The following ERBB4 variants were observed in gnomAD, a reference collection of about 807,000 sequenced individuals.
ERBB4 encodes the protein receptor tyrosine-protein kinase erbB-4.
A neutral mutation model predicts 158.0 loss-of-function variants in ERBB4; 42 were observed. The observed-to-expected ratio is 0.27, with a 90% CI of 0.21 to 0.34. The LOEUF is 0.34. Ranked by LOEUF, ERBB4 falls within the 10% of genes least tolerant of loss-of-function variation. The probability of loss-of-function intolerance (pLI) is 1.00; values close to 1 mark genes in which losing one functional copy is unlikely to be tolerated. For missense variants in ERBB4, 1,333 were observed against 1,624.1 expected (o/e 0.82, Z 3.08); for synonymous variants, 583 against 558.7 (o/e 1.04, Z -0.61).
At chr2:211,507,512 G>A (rs1437443182) in intron 20 of ERBB4, among the ~76,000 whole-genome samples, 2 of 152,122 alleles carry the variant, frequency 1.3e-5, no homozygotes, top group Admixed American at 6.5e-5. Flanking sequence ...TAAGGCTACA[G>A]TAACAAAAAC....
chr2:211,601,077 G>A (rs116112575), intron 19 of ERBB4, among the ~76,000 whole-genome samples: 1,945 of 152,098 alleles, frequency 0.013, 24 homozygotes, highest in Middle Eastern at 0.041. Flanking sequence ...TAACATTTAA[G>A]AAATTAGCAT....
chr2:212,053,579 C>T (rs1412448698), intron 2 of ERBB4, among the ~76,000 whole-genome samples: 8 of 152,200 alleles, frequency 5.3e-5, no homozygotes, highest in Admixed American at 5.2e-4. Flanking sequence ...GATTGTGTGA[C>T]TTTCCAGTTT....
intron 1 of ERBB4, among the ~76,000 whole-genome samples, chr2:212,273,926 G>A (rs917550971): frequency 1.3e-5 from 2 of 151,762 alleles, no homozygotes; most frequent in African/African-American, 4.8e-5. Flanking sequence ...GCTGACCCCT[G>A]TGCACTGGAA....
At chr2:212,095,094 C>T (rs894389277) in intron 2 of ERBB4, among the ~76,000 whole-genome samples, 1 of 152,114 alleles carries the variant, frequency 6.6e-6, no homozygotes, top group South Asian at 2.1e-4. Flanking sequence ...CAATGCCTTA[C>T]ACCTTATGTC....
intron 2 of ERBB4, among the ~76,000 whole-genome samples, chr2:211,964,393 TTCAACAGATGTTTTTTCGGA>T (rs1471768323): frequency 6.6e-6 from 1 of 152,194 alleles, no homozygotes; most frequent in Admixed American, 6.6e-5. Flanking sequence ...TTTGCTAACT[TTCAACAGATGTTTTTTCGGA>T]ATTACGTTAA....
At chr2:212,487,557 ATT>A (rs111731479) in intron 1 of ERBB4, among the ~76,000 whole-genome samples, 1 of 146,484 alleles carries the variant, frequency 6.8e-6, no homozygotes, top group Non-Finnish European at 1.5e-5. Flanking sequence ...TTAGGCATGT[ATT>A]TTTTTTTTTT....
chr2:212,238,480 G>A (rs2083961145), intron 1 of ERBB4, among the ~76,000 whole-genome samples: 1 of 152,150 alleles, frequency 6.6e-6, no homozygotes, highest in Non-Finnish European at 1.5e-5. Flanking sequence ...TGCCTTCTGT[G>A]TTGATCTCGC....
rs2078670364 is a variant in ERBB4 at position 211,881,788 on chromosome 2, T to C, written c.421+65642A>G. ...TAGCAGAGAGCTATTCTCCTTCTTT[T>C]GTCTATTAAACTTCCACTGTTAAGC... is the stretch of plus-strand genomic sequence containing the variant. On this transcript the variant is annotated intron_variant, in intron 3 of 27. Transcript: ENST00000342788. 2.0e-5 allele frequency among the ~76,000 whole-genome samples: 3 copies of C among 152,142 alleles called. No homozygotes were observed. The South Asian group carries it at 6.2e-4, about 31-fold the overall frequency.
At chr2:212,133,329 T>C (rs1265855871) in intron 1 of ERBB4, among the ~76,000 whole-genome samples, 1 of 152,006 alleles carries the variant, frequency 6.6e-6, no homozygotes, top group Non-Finnish European at 1.5e-5. Flanking sequence ...CAGCCTTTTC[T>C]GACCACCTTA....
At chr2:212,247,727 GC>G (rs778114718) in intron 1 of ERBB4, among the ~76,000 whole-genome samples, 4 of 152,174 alleles carry the variant, frequency 2.6e-5, no homozygotes, top group Non-Finnish European at 5.9e-5. Flanking sequence ...ACTCTGGGAG[GC>G]CGAGGCAGAC....
chr2:211,521,966 C>T (rs1414425542), intron 20 of ERBB4, among the ~76,000 whole-genome samples: 1 of 152,136 alleles, frequency 6.6e-6, no homozygotes, highest in African/African-American at 2.4e-5. Context: ...TACATCTAGT[C>T]ATCCAAGAGC....
chr2:212,121,261 T>C (rs998027702), intron 2 of ERBB4, among the ~76,000 whole-genome samples: 2 of 152,226 alleles, frequency 1.3e-5, no homozygotes, highest in African/African-American at 4.8e-5. Context: ...AGACGGAGTC[T>C]CGCTGTGTTG....
At chr2:211,613,068 C>A in intron 19 of ERBB4, among the ~76,000 whole-genome samples, 1 of 151,824 alleles carries the variant, frequency 6.6e-6, no homozygotes, top group Non-Finnish European at 1.5e-5. Context: ...CTGAGATTTC[C>A]ATGTGGCAAT....
At position 211,722,011 on chromosome 2, in the gene ERBB4, C is replaced by T. The variant is rs557719149; in HGVS notation, c.883+382G>A. On this transcript the variant is annotated intron_variant, in intron 7 of 27. Coordinates refer to ENST00000342788, the MANE Select transcript of ERBB4 (RefSeq NM_005235.3). ...CAGAATAGCTGGGGCTACAGGCGCC[C>T]GCCACCACGCCTGGCTAATTTTTGT... 1.1e-4 allele frequency among the ~76,000 whole-genome samples: 17 copies of T among 152,168 alleles called. No individual in the cohort carries two copies. The East Asian group carries it at 2.1e-3, about 19-fold the overall frequency.
intron 2 of ERBB4, among the ~76,000 whole-genome samples, chr2:212,003,203 A>C (rs1432878093): frequency 2.2e-3 from 118 of 53,814 alleles, no homozygotes; most frequent in African/African-American, 3.9e-3. Flanking sequence ...GAAAGAAAGA[A>C]AGACAGAAAG....
chr2:211,840,755 T>C (rs2077452620), intron 3 of ERBB4, among the ~76,000 whole-genome samples: 1 of 152,136 alleles, frequency 6.6e-6, no homozygotes, highest in Non-Finnish European at 1.5e-5. Flanking sequence ...TTATGTCCAA[T>C]ATCATTAATG....
At chr2:211,623,354 A>G (rs1018191622) in intron 18 of ERBB4, among the ~76,000 whole-genome samples, 1 of 152,028 alleles carries the variant, frequency 6.6e-6, no homozygotes, top group African/African-American at 2.4e-5. Context: ...TGACAAAGAC[A>G]TCAAAACCAT....
intron 1 of ERBB4, among the ~76,000 whole-genome samples, chr2:212,287,593 T>C (rs2086042233): frequency 6.6e-6 from 1 of 152,144 alleles, no homozygotes; most frequent in Non-Finnish European, 1.5e-5. Context: ...CTTATTTCCC[T>C]ATCAATAGTG....
chr2:211,485,308 T>A (rs1361083149), intron 20 of ERBB4, among the ~76,000 whole-genome samples: 2 of 152,212 alleles, frequency 1.3e-5, no homozygotes, highest in Non-Finnish European at 2.9e-5. Flanking sequence ...AAAGTCAAGA[T>A]GTAACAGTCT....
Sources: gnomAD v4.1 joint callset for allele counts (sites outside exome capture counted in the v4.1 genomes callset) on GRCh38, gnomAD v4.1.1 for gene constraint, MANE v1.5 for transcripts, NCBI Gene and HGNC (gene_info 2026-07-23, HGNC 2026-07-21) for gene names.